SMS: variants seen among roughly 807,000 people sequenced by gnomAD.
The protein encoded by SMS is spermine synthase.
A neutral mutation model predicts 33.0 loss-of-function variants in SMS; 3 were observed. The ratio of observed to expected loss-of-function variants is 0.09; its 90% CI spans 0.04 to 0.23. SMS has a LOEUF of 0.23. Among genes scored for constraint, SMS ranks in the 10% least tolerant of loss-of-function variants. The pLI is 1.00. For missense variants in SMS, 117 were observed against 288.6 expected (o/e 0.41, Z 4.31); for synonymous variants, 103 against 112.2 (o/e 0.92, Z 0.52).
At chrX:21,972,714 G>A (rs1602206177) in intron 4 of SMS, 143 bp downstream of exon 4, 1 of 491,027 alleles carries the variant, frequency 2.0e-6, no homozygotes, top group East Asian at 3.9e-5. Context: ...TTTGAGACCA[G>A]CCTGGCCAAT....
chrX:21,950,091 T>C (rs1331132811), intron 1 of SMS, among the ~76,000 whole-genome samples: 1 of 111,931 alleles, frequency 8.9e-6, no homozygotes, highest in East Asian at 2.8e-4. Context: ...TTTTCAAAGA[T>C]GGGGTCTTGC....
At position 21,994,393 on chromosome X, in the gene SMS, C is replaced by T; in HGVS notation, c.*42C>T. ...ATCACATGTGCTGCAAATAGCCTTC[C>T]TGACCTCCATATGCTGTACATGACA... is the stretch of plus-strand genomic sequence containing the variant. On this transcript the variant is annotated 3_prime_UTR_variant, in exon 11 of 11. Transcript: ENST00000404933. 2.5e-6 allele frequency: 3 copies of T among 1,197,938 alleles called. No individual in the cohort carries two copies. Among genetic ancestry groups the T allele is most frequent in the Non-Finnish European group, 3.4e-6 (3 of 883,242 alleles).
chrX:21,977,323 G>A (rs1429806441), intron 5 of SMS, 87 bp downstream of exon 5: 5 of 876,614 alleles, frequency 5.7e-6, no homozygotes, highest in Non-Finnish European at 8.5e-6. Context: ...TACTGTCGTG[G>A]ATTTGTTTGA....
chrX:21,975,186 G>A (rs896691070), intron 4 of SMS, among the ~76,000 whole-genome samples: 1 of 111,124 alleles, frequency 9.0e-6, no homozygotes, highest in Non-Finnish European at 1.9e-5. Context: ...AGGTTGAAAC[G>A]AGTTTGGTAG....
intron 8 of SMS, 94 bp downstream of exon 8, chrX:21,984,512 C>T (rs1925194442): frequency 4.8e-6 from 3 of 620,704 alleles, no homozygotes; most frequent in East Asian, 3.5e-5. Flanking sequence ...AGTTCTCTCA[C>T]GTTTTTGAAA....
chrX:21,992,755 C>T (rs1458804455), intron 10 of SMS, 43 bp downstream of exon 10: 2 of 772,472 alleles, frequency 2.6e-6, no homozygotes, highest in Admixed American at 2.4e-5. Context: ...TCAAAGCACC[C>T]AAGTAAATCA....
chrX:21,987,342 CA>C (rs1209877059), intron 9 of SMS, among the ~76,000 whole-genome samples: 1 of 111,304 alleles, frequency 9.0e-6, no homozygotes, highest in Non-Finnish European at 1.9e-5. Context: ...TTTTTCTTTT[CA>C]TTTTTTTGAG....
chrX:21,970,426 C>G (rs1924051532), intron 2 of SMS, among the ~76,000 whole-genome samples: 2 of 111,843 alleles, frequency 1.8e-5, no homozygotes, highest in Non-Finnish European at 3.8e-5. Context: ...GTTCCTTCCC[C>G]CTCTCCTCTC....
At chrX:21,947,134 C>T (rs769232476) in intron 1 of SMS, among the ~76,000 whole-genome samples, 1 of 112,085 alleles carries the variant, frequency 8.9e-6, no homozygotes, top group Admixed American at 9.5e-5. Context: ...ATAATAAAAC[C>T]TAAACAATGT....
At chrX:21,974,193 C>T (rs1052057465) in intron 4 of SMS, among the ~76,000 whole-genome samples, 5 of 112,571 alleles carry the variant, frequency 4.4e-5, no homozygotes, top group Non-Finnish European at 9.4e-5. Flanking sequence ...TACTTAATTA[C>T]TCAGCATGCT....
At chrX:21,941,753 C>T (rs1345008004) in intron 1 of SMS, among the ~76,000 whole-genome samples, 26 of 107,448 alleles carry the variant, frequency 2.4e-4, no homozygotes, top group African/African-American at 8.8e-4. Context: ...GGCGTGGTGG[C>T]ACGCGCCTGT....
intron 1 of SMS, among the ~76,000 whole-genome samples, chrX:21,965,605 G>A (rs866035338): frequency 1.3e-4 from 6 of 45,052 alleles, no homozygotes; most frequent in East Asian, 5.2e-4. Flanking sequence ...AAAAAAAGCC[G>A]GGCGTGGTGG....
intron 1 of SMS, among the ~76,000 whole-genome samples, chrX:21,947,049 G>A (rs2238960): frequency 0.1 from 11,559 of 111,071 alleles, 599 homozygotes; most frequent in East Asian, 0.21. Context: ...CAGCTCCCAC[G>A]CTCCCCTGTA....
At chrX:21,992,136 G>T (rs4824217) in intron 9 of SMS, among the ~76,000 whole-genome samples, 45,713 of 111,384 alleles carry the variant, frequency 0.41, 8,293 homozygotes, top group Non-Finnish European at 0.57. Context: ...AAAAATGGGG[G>T]TGAATATAGT....
chrX:21,945,732 C>T (rs1165656123), intron 1 of SMS, among the ~76,000 whole-genome samples: 1 of 104,064 alleles, frequency 9.6e-6, no homozygotes, highest in African/African-American at 3.6e-5. Flanking sequence ...TCAAGCTATT[C>T]TCCTGTCTCA....
At chrX:21,986,637 A>G (rs1458347306) in intron 9 of SMS, among the ~76,000 whole-genome samples, 2 of 112,300 alleles carry the variant, frequency 1.8e-5, no homozygotes, top group Non-Finnish European at 3.7e-5. Context: ...GCAAAGCACT[A>G]TCAATGAATG....
intron 9 of SMS, among the ~76,000 whole-genome samples, chrX:21,986,088 C>T (rs1306157744): frequency 9.1e-6 from 1 of 110,383 alleles, no homozygotes; most frequent in African/African-American, 3.3e-5. Flanking sequence ...GTGGCTTACG[C>T]CTGTAATCCT....
chrX:21,990,338 C>A (rs1393681712), intron 9 of SMS, among the ~76,000 whole-genome samples: 1 of 112,211 alleles, frequency 8.9e-6, no homozygotes, highest in African/African-American at 3.2e-5. Context: ...TTCTTAAAAC[C>A]CCAGTGTCCT....
At chrX:21,986,935 C>T (rs188700116) in intron 9 of SMS, among the ~76,000 whole-genome samples, 84 of 110,665 alleles carry the variant, frequency 7.6e-4, no homozygotes, top group African/African-American at 2.7e-3. Context: ...TATAGGAAAC[C>T]AGTGAAACCT....
Sources: allele counts gnomAD v4.1 joint callset (sites outside exome capture counted in the v4.1 genomes callset), GRCh38; gene constraint gnomAD v4.1.1; transcripts MANE v1.5; gene names NCBI Gene and HGNC (gene_info 2026-07-23, HGNC 2026-07-21).